Variants in ARHGEF9 observed in about 807,000 individuals in gnomAD.
ARHGEF9 encodes rho guanine nucleotide exchange factor 9.
Under a neutral mutation model 41.3 loss-of-function variants are expected in ARHGEF9, and 2 were observed. The observed-to-expected ratio is 0.05, with a 90% CI of 0.02 to 0.15. ARHGEF9 has a LOEUF of 0.15. Among genes scored for constraint, ARHGEF9 ranks in the 10% least tolerant of loss-of-function variants. The pLI is 1.00. For missense variants in ARHGEF9, 225 were observed against 424.7 expected (o/e 0.53, Z 4.13); for synonymous variants, 160 against 154.4 (o/e 1.04, Z -0.27).
At chrX:63,718,488 C>A (rs1419708277) in intron 2 of ARHGEF9, among the ~76,000 whole-genome samples, 2 of 110,391 alleles carry the variant, frequency 1.8e-5, no homozygotes, top group Non-Finnish European at 3.8e-5. Context: ...AGCTAATCCC[C>A]AAATAAACCC....
intron 1 of ARHGEF9, among the ~76,000 whole-genome samples, chrX:63,735,839 C>G (rs1164256864): frequency 8.9e-6 from 1 of 111,763 alleles, no homozygotes; most frequent in Non-Finnish European, 1.9e-5. Context: ...GAGAGGACAT[C>G]TGCATTTAAA....
intron 6 of ARHGEF9, among the ~76,000 whole-genome samples, chrX:63,667,963 T>A (rs1249766167): frequency 9.0e-6 from 1 of 110,665 alleles, no homozygotes; most frequent in African/African-American, 3.3e-5. Flanking sequence ...CAGTCCACTT[T>A]GAATATGTAT....
At chrX:63,714,486 T>C (rs2053163878) in intron 2 of ARHGEF9, among the ~76,000 whole-genome samples, 1 of 111,955 alleles carries the variant, frequency 8.9e-6, no homozygotes, top group Non-Finnish European at 1.9e-5. Context: ...TCTGGACTCT[T>C]AGGCCAAAAT....
chrX:63,714,782 T>C (rs1328020057), intron 2 of ARHGEF9, among the ~76,000 whole-genome samples: 1 of 112,132 alleles, frequency 8.9e-6, no homozygotes, highest in African/African-American at 3.2e-5. Flanking sequence ...TAGGTTGGCA[T>C]CATCTGCCCC....
chrX:63,652,876 C>T (rs188513751), intron 8 of ARHGEF9, among the ~76,000 whole-genome samples: 345 of 110,467 alleles, frequency 3.1e-3, no homozygotes, highest in African/African-American at 0.011. Flanking sequence ...TGAGTTCTCA[C>T]GAGATCTGAT....
chrX:63,692,089 A>G (rs182370592), intron 4 of ARHGEF9, among the ~76,000 whole-genome samples: 6 of 112,290 alleles, frequency 5.3e-5, no homozygotes, highest in Non-Finnish European at 9.4e-5. Flanking sequence ...GTAAGACTTG[A>G]AACTATAAAA....
chrX:63,658,548 C>T (rs1292640208), intron 7 of ARHGEF9, among the ~76,000 whole-genome samples: 1 of 111,608 alleles, frequency 9.0e-6, no homozygotes, highest in Non-Finnish European at 1.9e-5. Context: ...GTTATCCTTA[C>T]TCTGTAAAAT....
chrX:63,639,955 C>G (rs1223237642), intron 9 of ARHGEF9: 1 of 111,615 alleles, frequency 9.0e-6, no homozygotes, highest in African/African-American at 3.3e-5. Context: ...TTACTAGAGG[C>G]TTGGAAGGAT....
intron 1 of ARHGEF9, chrX:63,737,146 A>G (rs1357060758): frequency 1.2e-4 from 13 of 111,825 alleles, no homozygotes; most frequent in African/African-American, 3.9e-4. Context: ...AGAACACTTC[A>G]GTATGAAGGA....
chrX:63,776,664 T>G (rs1411108635), intron 1 of ARHGEF9, among the ~76,000 whole-genome samples: 1 of 111,632 alleles, frequency 9.0e-6, no homozygotes. Flanking sequence ...AGAAGCAACA[T>G]GAGCACTGTG....
chrX:63,681,368 C>A (rs2050613439), intron 4 of ARHGEF9, among the ~76,000 whole-genome samples: 1 of 111,947 alleles, frequency 8.9e-6, no homozygotes, highest in Non-Finnish European at 1.9e-5. Context: ...TAAGTCTTAG[C>A]AAATTTAAGA....
intron 1 of ARHGEF9, among the ~76,000 whole-genome samples, chrX:63,769,561 G>A (rs1384957167): frequency 8.9e-6 from 1 of 112,118 alleles, no homozygotes; most frequent in African/African-American, 3.2e-5. Flanking sequence ...GCATGTCAAA[G>A]GTCTTCATGG....
Position 63,749,929 on chromosome X carries a change from G to A in ARHGEF9, c.31-25218C>T, listed in dbSNP as rs1221896837. The stretch of plus-strand genomic sequence containing the variant: ...CCTAAGACAGAAGGAGACACTCTGA[G>A]CAGATACTGGAGAAGCTAAACCTTC... On this transcript the variant is annotated intron_variant, in intron 1 of 9. Transcript: ENST00000671741. Among the ~76,000 whole-genome samples the A allele has an allele frequency of 2.7e-5, 3 of 112,104 alleles. No homozygotes were observed. In the East Asian group the frequency reaches 8.5e-4, roughly 32 times the overall value.
Position 63,637,720 on chromosome X carries a change from G to A in ARHGEF9, c.*308C>T, listed in dbSNP as rs1367566161. 1 of 231,749 alleles carries A rather than the reference G, an allele frequency of 4.3e-6. No individual in the cohort carries two copies. Among genetic ancestry groups the A allele is most frequent in the Non-Finnish European group, 7.7e-6 (1 of 130,060 alleles). 19.1% of individuals were successfully genotyped at this position (231,749 alleles called of 1,213,427 possible). ...CAACTTCTGAAAGCAAAGGGAAGGGGGACAGGGTAAAAATGGAAAACTTTT... is the reference window on the plus strand; with the variant it reads ...CAACTTCTGAAAGCAAAGGGAAGGGAGACAGGGTAAAAATGGAAAACTTTT... On this transcript the variant is annotated 3_prime_UTR_variant, in exon 10 of 10. Coordinates refer to ENST00000671741, the MANE Select transcript of ARHGEF9 (RefSeq NM_001353921.2).
intron 7 of ARHGEF9, among the ~76,000 whole-genome samples, chrX:63,664,011 T>C (rs1370344486): frequency 1.8e-5 from 2 of 112,118 alleles, no homozygotes; most frequent in African/African-American, 6.5e-5. Flanking sequence ...ATGGTTCTTG[T>C]GAAAACAAGA....
rs2047340042 is a variant in ARHGEF9 at position 63,636,977 on chromosome X, C to T, written c.*1051G>A. ...ACTGATTGCTGTAGAGATCACTGCC[C>T]TAAACCTATCTGGTACTAGGGGGCA... On this transcript the variant is annotated 3_prime_UTR_variant, in exon 10 of 10. Transcript: ENST00000671741. 6.8e-6 allele frequency: 2 copies of T among 295,466 alleles called. No individual in the cohort carries two copies. Among genetic ancestry groups the T allele is most frequent in the African/African-American group, 5.5e-5 (2 of 36,277 alleles). The allele number at this position is 295,466 out of a possible 1,213,427, so 24.3% of individuals were successfully genotyped here.
At position 63,775,522 on chromosome X, in the gene ARHGEF9, G is replaced by A. The variant is rs186429471; in HGVS notation, c.30+9594C>T. On this transcript the variant is annotated intron_variant, in intron 1 of 9. Coordinates refer to ENST00000671741, the MANE Select transcript of ARHGEF9 (RefSeq NM_001353921.2). ...AAAAACGCGAGAACATGTCCTTTGCGGCAACATGGATGGAGCTGGAGGTCA... is the reference window on the plus strand; with the variant it reads ...AAAAACGCGAGAACATGTCCTTTGCAGCAACATGGATGGAGCTGGAGGTCA... 2.3e-3 allele frequency among the ~76,000 whole-genome samples: 258 copies of A among 111,968 alleles called. 1 individual carries two copies. The highest frequency in any genetic ancestry group is 7.6e-3 in the African/African-American group (234 of 30,827).
chrX:63,638,807 CATT>C, intron 9 of ARHGEF9: 1 of 290,876 alleles, frequency 3.4e-6, no homozygotes, highest in Non-Finnish European at 6.0e-6. Context: ...AGAGAATTGA[CATT>C]AGTAGGTGAA....
At chrX:63,705,863 G>C (rs1190829030) in intron 3 of ARHGEF9, among the ~76,000 whole-genome samples, 1 of 111,638 alleles carries the variant, frequency 9.0e-6, no homozygotes, top group East Asian at 2.8e-4. Flanking sequence ...ATTGAAGTCT[G>C]TGAATCACTG....
Sources: allele counts gnomAD v4.1 joint callset (sites outside exome capture counted in the v4.1 genomes callset), GRCh38; gene constraint gnomAD v4.1.1; transcripts MANE v1.5; gene names NCBI Gene and HGNC (gene_info 2026-07-23, HGNC 2026-07-21).